Variants in SLC30A1 observed in about 807,000 individuals in gnomAD.
The protein encoded by SLC30A1 is proton-coupled zinc antiporter SLC30A1.
A neutral mutation model predicts 29.8 loss-of-function variants in SLC30A1; 7 were observed. That is an observed-to-expected ratio of 0.23 (90% confidence interval 0.13 to 0.44). The LOEUF (loss-of-function observed/expected upper bound fraction) is 0.44. Among genes scored for constraint, SLC30A1 ranks in the 20% least tolerant of loss-of-function variants. The pLI, the probability that SLC30A1 is intolerant of heterozygous loss-of-function variation, is 1.00. For synonymous variants in SLC30A1, 254 were observed against 253.5 expected (o/e 1.00, Z -0.02); for missense variants, 446 against 647.9 (o/e 0.69, Z 3.38).
rs1382935218 is a variant in SLC30A1 at position 211,573,178 on chromosome 1, A to T, written c.*2210T>A. The T allele has an allele frequency of 6.6e-6, 1 of 152,120 alleles. No individual in the cohort carries two copies. Among genetic ancestry groups the T allele is most frequent in the Non-Finnish European group, 1.5e-5 (1 of 67,928 alleles). The allele number at this position is 152,120 out of a possible 1,614,324, so 9.4% of individuals were successfully genotyped here. ...AAATAATTCTCTGCTAAAACTCAAAAGGTGAGTCAGTGCCCACTGTTTCTG... is the reference window on the plus strand; with the variant it reads ...AAATAATTCTCTGCTAAAACTCAAATGGTGAGTCAGTGCCCACTGTTTCTG... On this transcript the variant is annotated 3_prime_UTR_variant, in exon 2 of 2. Transcript: ENST00000367001.
rs1706664468 is a variant in SLC30A1 at position 211,572,285 on chromosome 1, A to G, written c.*3103T>C. On this transcript the variant is annotated 3_prime_UTR_variant, in exon 2 of 2. Transcript: ENST00000367001. ...AGAGTTTTAACACTGTTTATGACTT[A>G]ACTGAAACTCAGTATTAAAATAAAT... is the stretch of plus-strand genomic sequence containing the variant. 6.6e-6 allele frequency: 1 copy of G among 152,156 alleles called. No homozygotes were observed. Among genetic ancestry groups the G allele is most frequent in the South Asian group, 2.1e-4 (1 of 4,838 alleles). The allele number at this position is 152,156 out of a possible 1,614,324, so 9.4% of individuals were successfully genotyped here. A position where few individuals can be genotyped will look rare whatever the true frequency, so the allele number is the denominator to read the frequency against.
In SLC30A1 at chr1:211,572,208, GAC is replaced by G. The variant is rs1706661866; in HGVS notation, c.*3178_*3179del. 6.6e-6 allele frequency: 1 copy of G among 152,016 alleles called. No homozygotes were observed. The highest frequency in any genetic ancestry group is 1.5e-5 in the Non-Finnish European group (1 of 67,944). 9.4% of individuals were successfully genotyped at this position (152,016 alleles called of 1,614,324 possible). On this transcript the variant is annotated 3_prime_UTR_variant, in exon 2 of 2. Coordinates refer to ENST00000367001, the MANE Select transcript of SLC30A1 (RefSeq NM_021194.3). ...ATTTCAGAGACGTGAAACACTGTAT[GAC>G]ACAGTTTCAATTTTAAAAATGACAA...
chr1:211,572,533 G>A lies in SLC30A1; in HGVS notation c.*2855C>T, dbSNP rs186183201. 1.0e-3 allele frequency: 157 copies of A among 152,098 alleles called. No homozygotes were observed. Among genetic ancestry groups the A allele is most frequent in the African/African-American group, 3.2e-3 (134 of 41,534 alleles). The allele number at this position is 152,098 out of a possible 1,614,324, so 9.4% of individuals were successfully genotyped here. ...TTAAGGATGTTAATAAGACACAAAC[G>A]GTTAACACAGCCTTCTACCTACTGT... On this transcript the variant is annotated 3_prime_UTR_variant, in exon 2 of 2. Transcript: ENST00000367001.
Position 211,575,149 on chromosome 1 carries a change from T to C in SLC30A1, c.*239A>G, listed in dbSNP as rs1706702725. On this transcript the variant is annotated 3_prime_UTR_variant, in exon 2 of 2. Transcript: ENST00000367001. The surrounding 1 kb of genome is among the most constrained non-coding windows in gnomAD (Gnocchi z 6.0). ...ACTTACTTTAAACAAAAATGTAACA[T>C]AGTGTTAAAACTGGCTTTCCAAAAC... is the stretch of plus-strand genomic sequence containing the variant. The C allele has an allele frequency of 2.7e-6, 1 of 367,192 alleles. No homozygotes were observed. Among genetic ancestry groups the C allele is most frequent in the Non-Finnish European group, 4.9e-6 (1 of 204,556 alleles). 22.7% of individuals were successfully genotyped at this position (367,192 alleles called of 1,614,324 possible). A position where few individuals can be genotyped will look rare whatever the true frequency, so the allele number is the denominator to read the frequency against.
Position 211,571,918 on chromosome 1 carries a change from C to T in SLC30A1, c.*3470G>A, listed in dbSNP as rs1706657491. The stretch of plus-strand genomic sequence containing the variant: ...TACACTTCATTGTGCTGTTTCAAGG[C>T]AGAACCATAACATGGCAATTTGTGT... On this transcript the variant is annotated 3_prime_UTR_variant, in exon 2 of 2. Transcript: ENST00000367001. 1 of 152,138 alleles carries T rather than the reference C, an allele frequency of 6.6e-6. No individual in the cohort carries two copies. Among genetic ancestry groups the T allele is most frequent in the Admixed American group, 6.5e-5 (1 of 15,274 alleles). The allele number at this position is 152,138 out of a possible 1,614,324, so 9.4% of individuals were successfully genotyped here. A position where few individuals can be genotyped will look rare whatever the true frequency, so the allele number is the denominator to read the frequency against.
Position 211,577,407 on chromosome 1 carries a change from G to A in SLC30A1, c.622+584C>T, listed in dbSNP as rs1301100639. ...CAGGTCCTAAATCTATGATTTCCAG[G>A]ATTAGGGATCAATTAGCTGAAGCAT... On this transcript the variant is annotated intron_variant, in intron 1 of 1. Coordinates refer to ENST00000367001, the MANE Select transcript of SLC30A1 (RefSeq NM_021194.3). This position sits in a 1 kb window ranked among gnomAD's most constrained non-coding sequence, Gnocchi z 4.5. 6.6e-6 allele frequency among the ~76,000 whole-genome samples: 1 copy of A among 152,182 alleles called. No individual in the cohort carries two copies. Among genetic ancestry groups the A allele is most frequent in the African/African-American group, 2.4e-5 (1 of 41,444 alleles).
chr1:211,576,931 A>G (rs533093611), intron 1 of SLC30A1, among the ~76,000 whole-genome samples: 10 of 152,332 alleles, frequency 6.6e-5, no homozygotes, highest in Non-Finnish European at 1.2e-4. Flanking sequence ...AGTATTGATC[A>G]AAAGTATTCA....
chr1:211,578,827 G>A lies in SLC30A1; in HGVS notation c.-215C>T, dbSNP rs1408882042. On this transcript the variant is annotated 5_prime_UTR_variant, in exon 1 of 2. Coordinates refer to ENST00000367001, the MANE Select transcript of SLC30A1 (RefSeq NM_021194.3). Reference sequence around the variant, plus strand: ...GCGTTCTCCGCCAGCCGGCGGCGCCGCGCCGCGCAGCTCCTCAGGCGTCCG... The same window carrying A: ...GCGTTCTCCGCCAGCCGGCGGCGCCACGCCGCGCAGCTCCTCAGGCGTCCG... 5 of 341,124 alleles carry A rather than the reference G, an allele frequency of 1.5e-5. No individual in the cohort carries two copies. The highest frequency in any genetic ancestry group is 2.2e-5 in the African/African-American group (1 of 46,270). 21.1% of individuals were successfully genotyped at this position (341,124 alleles called of 1,614,324 possible). A position where few individuals can be genotyped will look rare whatever the true frequency, so the allele number is the denominator to read the frequency against.
rs1706739891 is a variant in SLC30A1, at chr1:211,577,866, G to A, written c.622+125C>T. The stretch of plus-strand genomic sequence containing the variant: ...CGTGTGCAGGACGGGGAGGGAGCAG[G>A]CAGGGGCGGCGCGGCGCAGGCCCGC... On this transcript the variant is annotated intron_variant, in intron 1 of 1. Transcript: ENST00000367001. This position sits in a 1 kb window ranked among gnomAD's most constrained non-coding sequence, Gnocchi z 4.5. The A allele has an allele frequency of 7.8e-6, 10 of 1,286,248 alleles. No individual in the cohort carries two copies. The highest frequency in any genetic ancestry group is 9.5e-6 in the Non-Finnish European group (9 of 951,830). 79.7% of individuals were successfully genotyped at this position (1,286,248 alleles called of 1,614,324 possible).
chr1:211,577,940 C>T lies in SLC30A1; in HGVS notation c.622+51G>A. ...CCACCCCGCCGAAGGCCAGGCGAGG[C>T]TCTGGGCACCCCAAACCCAACCACC... On this transcript the variant is annotated intron_variant, in intron 1 of 1. Transcript: ENST00000367001. The surrounding 1 kb of genome is among the most constrained non-coding windows in gnomAD (Gnocchi z 4.5). The T allele has an allele frequency of 1.9e-6, 3 of 1,605,726 alleles. No individual in the cohort carries two copies. The highest frequency in any genetic ancestry group is 1.3e-5 in the African/African-American group (1 of 74,902).
rs752624047 is a variant in SLC30A1 at position 211,576,021 on chromosome 1, T to G, written c.891A>C (p.Ile297=). Residue 297 remains isoleucine (I), a synonymous_variant, in exon 2 of 2, where the codon ATA becomes ATC. Transcript: ENST00000367001. ...AAACTGATGCATGAGTACTATTAAT[T>G]ATTTCTACAAATGCTTTGCAGGGGT... ...FPDPCKAFVE[I]INSTHASVYE... 4 of 1,613,338 alleles carry G rather than the reference T, an allele frequency of 2.5e-6. No homozygotes were observed. The East Asian group carries it at 8.9e-5, about 36-fold the overall frequency.
rs1452486339 is a variant in SLC30A1, at chr1:211,575,327, G to C, written c.*61C>G. ...ACTACTTGGCAAACTTAGAATTTCA[G>C]TGGAGTCTTTTTCCTCTTGCAGTTT... is the stretch of plus-strand genomic sequence containing the variant. On this transcript the variant is annotated 3_prime_UTR_variant, in exon 2 of 2. Coordinates refer to ENST00000367001, the MANE Select transcript of SLC30A1 (RefSeq NM_021194.3). The surrounding 1 kb of genome is among the most constrained non-coding windows in gnomAD (Gnocchi z 6.0). 7.1e-7 allele frequency: 1 copy of C among 1,402,180 alleles called. No homozygotes were observed. The allele number at this position is 1,402,180 out of a possible 1,614,324, so 86.9% of individuals were successfully genotyped here.
In SLC30A1 at chr1:211,575,542, T is replaced by C. The variant is rs765656967; in HGVS notation, c.1370A>G (p.Lys457Arg). 2 of 1,614,226 alleles carry C rather than the reference T, an allele frequency of 1.2e-6. No homozygotes were observed. Among genetic ancestry groups the C allele is most frequent in the South Asian group, 2.2e-5 (2 of 91,084 alleles). Residue 457 changes from lysine (K) to arginine (R), a missense_variant, in exon 2 of 2, where the codon AAG becomes AGG. This residue lies in a region of SLC30A1 where 187 missense variants were observed against 312.7 expected (regional missense o/e 0.60). Coordinates refer to ENST00000367001, the MANE Select transcript of SLC30A1 (RefSeq NM_021194.3). The surrounding 1 kb of genome is among the most constrained non-coding windows in gnomAD (Gnocchi z 6.0). ...CGTLPQAPSGKDAEKTPAVSI... is the reference protein window; with the variant it reads ...CGTLPQAPSGRDAEKTPAVSI... The stretch of plus-strand genomic sequence containing the variant: ...AACTGCTGGGGTCTTTTCTGCATCC[T>C]TTCCAGAAGGGGCTTGTGGTAGTGT...
In SLC30A1 at chr1:211,577,912, G is replaced by T; in HGVS notation, c.622+79C>A. On this transcript the variant is annotated intron_variant, in intron 1 of 1. Transcript: ENST00000367001. This position sits in a 1 kb window ranked among gnomAD's most constrained non-coding sequence, Gnocchi z 4.5. Reference sequence around the variant, plus strand: ...CCCGCTCGGGCAGCAGGGGGCGTGCGGGCCACCCCGCCGAAGGCCAGGCGA... The same window carrying T: ...CCCGCTCGGGCAGCAGGGGGCGTGCTGGCCACCCCGCCGAAGGCCAGGCGA... 1 of 1,572,818 alleles carries T rather than the reference G, an allele frequency of 6.4e-7. No homozygotes were observed. Among genetic ancestry groups the T allele is most frequent in the East Asian group, 2.3e-5 (1 of 44,388 alleles).
At position 211,578,609 on chromosome 1, in the gene SLC30A1, C is replaced by A; in HGVS notation, c.4G>T (p.Gly2Trp). The change falls in exon 1 of 2, where the codon GGG (glycine) becomes TGG (tryptophan). Residue 2 changes from glycine (G) to tryptophan (W), a missense_variant. Gly to Trp is a radical substitution (Grantham distance 184). Coordinates refer to ENST00000367001, the MANE Select transcript of SLC30A1 (RefSeq NM_021194.3). The part of the protein sequence containing the change: M[G>W]CWGRNRGRLL... ...CGGCCCCGGTTCCGACCCCAACACCCCATGGCTGCGGCTGCGGGGCCCGCC... is the reference window on the plus strand; with the variant it reads ...CGGCCCCGGTTCCGACCCCAACACCACATGGCTGCGGCTGCGGGGCCCGCC... The A allele has an allele frequency of 6.4e-7, 1 of 1,572,402 alleles. No individual in the cohort carries two copies. Among genetic ancestry groups the A allele is most frequent in the Non-Finnish European group, 8.6e-7 (1 of 1,165,034 alleles).
chr1:211,571,843 A>C lies in SLC30A1; in HGVS notation c.*3545T>G, dbSNP rs1354009326. 8 of 152,206 alleles carry C rather than the reference A, an allele frequency of 5.3e-5. No individual in the cohort carries two copies. In the East Asian group the frequency reaches 1.5e-3, roughly 29 times the overall value. 9.4% of individuals were successfully genotyped at this position (152,206 alleles called of 1,614,324 possible). Reference sequence around the variant, plus strand: ...TCTGGCCCAAAGGACAGGCAACAGAAGACACAAAACAACACAACATATAAG... The same window carrying C: ...TCTGGCCCAAAGGACAGGCAACAGACGACACAAAACAACACAACATATAAG... On this transcript the variant is annotated 3_prime_UTR_variant, in exon 2 of 2. Coordinates refer to ENST00000367001, the MANE Select transcript of SLC30A1 (RefSeq NM_021194.3).
rs1308069236 is a variant in SLC30A1 at position 211,577,791 on chromosome 1, C to A, written c.622+200G>T. ...ACAAATATGCCAGACGCGTCGCCGGCTCCTTGCACCCGACTGAGGGGGTTC... is the reference window on the plus strand; with the variant it reads ...ACAAATATGCCAGACGCGTCGCCGGATCCTTGCACCCGACTGAGGGGGTTC... On this transcript the variant is annotated intron_variant, in intron 1 of 1. Transcript: ENST00000367001. This position sits in a 1 kb window ranked among gnomAD's most constrained non-coding sequence, Gnocchi z 4.5. Among the ~76,000 whole-genome samples the A allele has an allele frequency of 6.6e-6, 1 of 152,214 alleles. No individual in the cohort carries two copies. Among genetic ancestry groups the A allele is most frequent in the African/African-American group, 2.4e-5 (1 of 41,448 alleles).
At position 211,578,375 on chromosome 1, in the gene SLC30A1, T is replaced by C; in HGVS notation, c.238A>G (p.Met80Val). Residue 80 changes from methionine to valine, a missense_variant, in exon 1 of 2, where the codon ATG (methionine) becomes GTG (valine). Around this residue, in one of 5 missense-constraint regions of SLC30A1, gnomAD observed 37 missense variants for 64.0 expected, o/e 0.58. Coordinates refer to ENST00000367001, the MANE Select transcript of SLC30A1 (RefSeq NM_021194.3). Reference sequence around the variant, plus strand: ...AAGATGGCGTTCACCAGAGCCCCCATTACCTCGGCTCGGATCCAGCCGAAC... The same window carrying C: ...AAGATGGCGTTCACCAGAGCCCCCACTACCTCGGCTCGGATCCAGCCGAAC... ...NTFGWIRAEV[M>V]GALVNAIFLT... 1 of 1,613,778 alleles carries C rather than the reference T, an allele frequency of 6.2e-7. No individual in the cohort carries two copies. The highest frequency in any genetic ancestry group is 2.2e-5 in the East Asian group (1 of 44,844).
At position 211,578,442 on chromosome 1, in the gene SLC30A1, G is replaced by GGCCACCAGCGCC; in HGVS notation, c.159_170dup (p.Ala54_Ala57dup). On this transcript the variant is annotated inframe_insertion, in exon 1 of 2. Coordinates refer to ENST00000367001, the MANE Select transcript of SLC30A1 (RefSeq NM_021194.3). Reference sequence around the variant, plus strand: ...CGTGGGTCCGCCGGGCGAAGCGCTCGGCCACCAGCGCCACCACCAGCGCCA... The same window carrying GGCCACCAGCGCC: ...CGTGGGTCCGCCGGGCGAAGCGCTCGGCCACCAGCGCCGCCACCAGCGCCACCACCAGCGCCA... The GGCCACCAGCGCC allele has an allele frequency of 6.2e-7, 1 of 1,612,162 alleles. No homozygotes were observed. The highest frequency in any genetic ancestry group is 8.5e-7 in the Non-Finnish European group (1 of 1,179,474).
Sources: allele counts gnomAD v4.1 joint callset (sites outside exome capture counted in the v4.1 genomes callset), GRCh38; gene constraint gnomAD v4.1.1; regional missense constraint gnomAD v4.1.1; non-coding constraint Gnocchi (gnomAD v3.1); transcripts MANE v1.5; gene names NCBI Gene and HGNC (gene_info 2026-07-23, HGNC 2026-07-21).